NUP43: variants seen among roughly 807,000 people sequenced by gnomAD.
NUP43 encodes the protein nucleoporin Nup43.
Under a neutral mutation model 47.3 loss-of-function variants are expected in NUP43, and 32 were observed. The ratio of observed to expected loss-of-function variants is 0.68; its 90% CI spans 0.51 to 0.91. The LOEUF (loss-of-function observed/expected upper bound fraction) is 0.91. Among genes scored for constraint, NUP43 ranks in the 40% least tolerant of loss-of-function variants. The probability of loss-of-function intolerance (pLI) is 0.00; values close to 1 mark genes in which losing one functional copy is unlikely to be tolerated. For missense variants in NUP43, 444 were observed against 453.9 expected (o/e 0.98, Z 0.20); for synonymous variants, 147 against 158.4 (o/e 0.93, Z 0.54).
chr6:149,746,295 G>C, intron 1 of NUP43, 81 bp downstream of exon 1: 4 of 1,562,200 alleles, frequency 2.6e-6, no homozygotes, highest in Non-Finnish European at 3.5e-6. Flanking sequence ...CAGAAGGTGG[G>C]AGTTGGCGCG....
rs1162433705 is a variant in NUP43, at chr6:149,724,481, T to C, written c.*2488A>G. ...GACTGTACCCTTTTACAGGATTGAG[T>C]GTTTTGGATCCCACTCACACACTAA... On this transcript the variant is annotated 3_prime_UTR_variant, in exon 8 of 8. Coordinates refer to ENST00000340413, the MANE Select transcript of NUP43 (RefSeq NM_198887.3). 3 of 152,130 alleles carry C rather than the reference T, an allele frequency of 2.0e-5. No homozygotes were observed. Among genetic ancestry groups the C allele is most frequent in the Non-Finnish European group, 4.4e-5 (3 of 68,030 alleles). 9.4% of individuals were successfully genotyped at this position (152,130 alleles called of 1,614,324 possible).
chr6:149,727,887 T>A (rs545571371), intron 7 of NUP43: 40 of 985,216 alleles, frequency 4.1e-5, no homozygotes, highest in Non-Finnish European at 4.7e-5. Context: ...CTTGCTGTCA[T>A]ATCAAATAAG....
intron 6 of NUP43, among the ~76,000 whole-genome samples, chr6:149,733,821 GT>G (rs752998323): frequency 8.0e-5 from 12 of 150,604 alleles, no homozygotes; most frequent in Non-Finnish European, 1.8e-4. Context: ...CTCAAAATCT[GT>G]TTTGTTTTGT....
At chr6:149,742,182 A>ATG (rs1785696246) in intron 4 of NUP43, among the ~76,000 whole-genome samples, 1 of 152,164 alleles carries the variant, frequency 6.6e-6, no homozygotes, top group African/African-American at 2.4e-5. Flanking sequence ...ATGTGCCACC[A>ATG]TGCCCAGCAA....
At chr6:149,746,289 A>T (rs1180090067) in intron 1 of NUP43, 87 bp downstream of exon 1, 2 of 1,550,374 alleles carry the variant, frequency 1.3e-6, no homozygotes, top group Non-Finnish European at 8.8e-7. Flanking sequence ...AAGAACCAGA[A>T]GGTGGGAGTT....
At chr6:149,732,915 T>A (rs966416940) in intron 6 of NUP43, among the ~76,000 whole-genome samples, 1 of 152,082 alleles carries the variant, frequency 6.6e-6, no homozygotes, top group African/African-American at 2.4e-5. Context: ...TTATTTTATT[T>A]TATTTTTATT....
chr6:149,748,054 G>A (rs1230896497), upstream of NUP43, among the ~76,000 whole-genome samples: 2 of 152,218 alleles, frequency 1.3e-5, no homozygotes, highest in African/African-American at 2.4e-5. Context: ...GGTGGCTCAC[G>A]CCTGTAATCC....
At chr6:149,728,279 A>G (rs1441307501) in intron 7 of NUP43, 1 of 982,882 alleles carries the variant, frequency 1.0e-6, no homozygotes, top group Admixed American at 6.2e-5. Context: ...GACACAGAAT[A>G]AAGTTTTATT....
intron 6 of NUP43, among the ~76,000 whole-genome samples, chr6:149,734,585 G>T (rs1785223531): frequency 6.6e-6 from 1 of 151,834 alleles, no homozygotes; most frequent in Non-Finnish European, 1.5e-5. Flanking sequence ...ATAACCTGAG[G>T]TCAGGAGTTT....
chr6:149,732,452 C>G (rs540751253), intron 6 of NUP43, among the ~76,000 whole-genome samples: 57 of 151,538 alleles, frequency 3.8e-4, no homozygotes, highest in African/African-American at 1.3e-3. Flanking sequence ...GAGGCTGAGG[C>G]AGGAGAATCG....
rs957082982 is a variant in NUP43 at position 149,730,616 on chromosome 6, G to A, written c.913+997C>T. Among the ~76,000 whole-genome samples, 3 of 152,132 alleles carry A rather than the reference G, an allele frequency of 2.0e-5. No individual in the cohort carries two copies. In the South Asian group the frequency reaches 6.2e-4, roughly 32 times the overall value. On this transcript the variant is annotated intron_variant, in intron 7 of 7. Transcript: ENST00000340413. ...TTTGCCATTAAGTAAAAAATACGAG[G>A]ATGTCTAATTTGGTATTTAAAAGTA... is the stretch of plus-strand genomic sequence containing the variant.
upstream of NUP43, chr6:149,746,711 GCTTTGGC>G: frequency 1.3e-6 from 2 of 1,499,482 alleles, no homozygotes; most frequent in South Asian, 1.2e-5. Flanking sequence ...AGGCAAGAGC[GCTTTGGC>G]CTTTGAGCAG....
chr6:149,744,993 C>T (rs1785892746), intron 2 of NUP43, among the ~76,000 whole-genome samples: 1 of 150,280 alleles, frequency 6.7e-6, no homozygotes, highest in African/African-American at 2.4e-5. Context: ...CCTCTGCGCC[C>T]GGGTTCAAGC....
intron 4 of NUP43, among the ~76,000 whole-genome samples, chr6:149,740,885 A>G (rs1785617168): frequency 1.3e-5 from 2 of 152,148 alleles, no homozygotes; most frequent in South Asian, 2.1e-4. Flanking sequence ...TCCTAAATAA[A>G]TATCTAAAGT....
intron 7 of NUP43, among the ~76,000 whole-genome samples, chr6:149,730,159 G>A (rs963338393): frequency 6.6e-6 from 1 of 152,172 alleles, no homozygotes; most frequent in African/African-American, 2.4e-5. Context: ...ACAGGCATGA[G>A]CCACCACACC....
At chr6:149,728,088 TTC>T (rs1784872284) in intron 7 of NUP43, 1 of 985,360 alleles carries the variant, frequency 1.0e-6, no homozygotes, top group African/African-American at 1.7e-5. Flanking sequence ...CTTCATGTTT[TTC>T]TCTTTCCTTG....
intron 3 of NUP43, 56 bp downstream of exon 3, chr6:149,743,569 CGCGGGCAACAAGA>C (rs1785791425): frequency 2.1e-6 from 2 of 958,868 alleles, no homozygotes; most frequent in Non-Finnish European, 3.3e-6. Flanking sequence ...CACTCCAGTG[CGCGGGCAACAAGA>C]GCAAAACTCC....
intron 7 of NUP43, among the ~76,000 whole-genome samples, chr6:149,730,011 C>CG: frequency 7.0e-6 from 1 of 142,054 alleles, no homozygotes; most frequent in East Asian, 2.0e-4. Flanking sequence ...AAAGCACGCC[C>CG]TTTTTTTTTT....
At chr6:149,738,492 C>T (rs915566135) in intron 5 of NUP43, 151 bp downstream of exon 5, 28 of 474,610 alleles carry the variant, frequency 5.9e-5, no homozygotes, top group Admixed American at 1.3e-4. Flanking sequence ...GTACCAACCC[C>T]GTCAAGTTAT....
Sources: gnomAD v4.1 joint callset for allele counts (sites outside exome capture counted in the v4.1 genomes callset) on GRCh38, gnomAD v4.1.1 for gene constraint, MANE v1.5 for transcripts, NCBI Gene and HGNC (gene_info 2026-07-23, HGNC 2026-07-21) for gene names.